ARHGAP28: variants seen among roughly 807,000 people sequenced by gnomAD.
ARHGAP28 encodes Rho GTPase activating protein 28.
A neutral mutation model predicts 90.7 loss-of-function variants in ARHGAP28; 56 were observed. The observed-to-expected ratio is 0.62, with a 90% CI of 0.50 to 0.77. ARHGAP28 has a LOEUF of 0.77. Ranked by LOEUF, ARHGAP28 falls within the 30% of genes least tolerant of loss-of-function variation. The probability of loss-of-function intolerance (pLI) is 0.00; values close to 1 mark genes in which losing one functional copy is unlikely to be tolerated. For missense variants in ARHGAP28, 869 were observed against 900.9 expected, an observed-to-expected ratio of 0.96 and a Z score of 0.45; for synonymous variants, 308 against 323.3, an observed-to-expected ratio of 0.95 and a Z score of 0.51.
chr18:6,782,634 G>T (rs1292639221), intron 1 of ARHGAP28, among the ~76,000 whole-genome samples: 2 of 75,276 alleles, frequency 2.7e-5, no homozygotes, highest in African/African-American at 4.5e-5. Context: ...TTTTTTAGTA[G>T]AGACGGGGTT....
In ARHGAP28 at chr18:6,873,550, A is replaced by G. The variant is rs1600272052; in HGVS notation, c.1096A>G (p.Lys366Glu). Residue 366 changes from lysine (K) to glutamate (E), a missense_variant, in exon 8 of 18, where the codon AAA (lysine) becomes GAA (glutamate). Transcript: ENST00000383472. ...CTTTGGAATTCAACTGAAAAGGAAC[A>G]AAACAGAGAAAGTAAAAGGACGAGG... Reference protein sequence around the residue: ...DAFGIQLKRNKTEKVKGRDNG... With the variant: ...DAFGIQLKRNETEKVKGRDNG... The G allele has an allele frequency of 6.2e-7, 1 of 1,613,662 alleles. No homozygotes were observed. The highest frequency in any genetic ancestry group is 8.5e-7 in the Non-Finnish European group (1 of 1,179,934).
At chr18:6,845,271 G>A (rs1367722) in intron 3 of ARHGAP28, among the ~76,000 whole-genome samples, 110,772 of 151,896 alleles carry the variant, frequency 0.73, 40,705 homozygotes, top group East Asian at 0.84. Context: ...TAGAGATGAG[G>A]TCTCATTATG....
intron 16 of ARHGAP28, chr18:6,898,713 T>G: frequency 7.2e-7 from 1 of 1,394,738 alleles, no homozygotes; most frequent in Non-Finnish European, 9.3e-7. Context: ...AAAAATGTAT[T>G]AGAACTAATG....
chr18:6,782,794 G>A (rs977418255), intron 1 of ARHGAP28, among the ~76,000 whole-genome samples: 10 of 151,372 alleles, frequency 6.6e-5, no homozygotes, highest in Non-Finnish European at 1.2e-4. Context: ...TTATATAATT[G>A]TATATAATGT....
rs1055590987 is a variant in ARHGAP28 at position 6,898,319 on chromosome 18, T to C, written c.2030+1693T>C. ...TTTTTCTCCTTTTGGTATTAGATTATATGATGTGTTCACTTTGTGAAAATT... is the reference window on the plus strand; with the variant it reads ...TTTTTCTCCTTTTGGTATTAGATTACATGATGTGTTCACTTTGTGAAAATT... On this transcript the variant is annotated intron_variant, in intron 16 of 17. Coordinates refer to ENST00000383472, the MANE Select transcript of ARHGAP28 (RefSeq NM_001366230.1). The C allele has an allele frequency of 2.2e-5, 12 of 545,138 alleles. 1 individual carries two copies. The Middle Eastern group carries it at 2.0e-3, about 90-fold the overall frequency. 33.8% of individuals were successfully genotyped at this position (545,138 alleles called of 1,614,324 possible).
intron 16 of ARHGAP28, among the ~76,000 whole-genome samples, chr18:6,901,868 GT>G (rs1313718479): frequency 6.6e-6 from 1 of 152,254 alleles, no homozygotes; most frequent in East Asian, 1.9e-4. Context: ...TGTCAGCAGG[GT>G]TGATTCCTTC....
chr18:6,825,116 T>G (rs2056653044), intron 2 of ARHGAP28, among the ~76,000 whole-genome samples, 152 bp downstream of exon 2: 1 of 152,134 alleles, frequency 6.6e-6, no homozygotes, highest in East Asian at 1.9e-4. Context: ...ACTGATTGAT[T>G]TATATCTACT....
At chr18:6,835,776 A>G (rs2056748603) in intron 2 of ARHGAP28, among the ~76,000 whole-genome samples, 1 of 152,210 alleles carries the variant, frequency 6.6e-6, no homozygotes, top group African/African-American at 2.4e-5. Flanking sequence ...TAACATTCAG[A>G]ATAAGGAGAA....
intron 11 of ARHGAP28, among the ~76,000 whole-genome samples, chr18:6,886,627 A>G (rs186853362): frequency 6.6e-6 from 1 of 152,348 alleles, no homozygotes; most frequent in East Asian, 1.9e-4. Flanking sequence ...TTTAATCCTC[A>G]TAACAGCCTG....
At chr18:6,897,340 T>G (rs778212769) in intron 16 of ARHGAP28, 1 of 152,256 alleles carries the variant, frequency 6.6e-6, no homozygotes, top group Non-Finnish European at 1.5e-5. Context: ...ATAGACATTA[T>G]GTAGTTAAGT....
rs183253904 is a variant in ARHGAP28, at chr18:6,755,911, G to A, written c.122+25968G>A. Among the ~76,000 whole-genome samples, 258 of 152,254 alleles carry A rather than the reference G, an allele frequency of 1.7e-3. 1 individual carries two copies. Among genetic ancestry groups the A allele is most frequent in the African/African-American group, 5.9e-3 (246 of 41,548 alleles). ...TATATAGAATCACAAAAGAATCAGG[G>A]CATTTTGGTTATAAGTCACTGTTAT... On this transcript the variant is annotated intron_variant, in intron 1 of 17. Coordinates refer to ENST00000383472, the MANE Select transcript of ARHGAP28 (RefSeq NM_001366230.1).
At chr18:6,824,398 G>A (rs377385900) in intron 1 of ARHGAP28, among the ~76,000 whole-genome samples, 7 of 152,056 alleles carry the variant, frequency 4.6e-5, no homozygotes, top group African/African-American at 1.4e-4. Context: ...TTAGCTGGGC[G>A]TGGTGGCGGG....
chr18:6,760,955 TG>T (rs2056154635), intron 1 of ARHGAP28, among the ~76,000 whole-genome samples: 1 of 152,180 alleles, frequency 6.6e-6, no homozygotes, highest in African/African-American at 2.4e-5. Context: ...CCTTAGCATA[TG>T]GGAAGATGAG....
At chr18:6,770,355 A>T (rs2056232548) in intron 1 of ARHGAP28, among the ~76,000 whole-genome samples, 1 of 152,248 alleles carries the variant, frequency 6.6e-6, no homozygotes, top group African/African-American at 2.4e-5. Context: ...TGCTGTCTTG[A>T]TTAAATCTGT....
intron 5 of ARHGAP28, 48 bp from the exon 6 acceptor site, chr18:6,868,102 C>A (rs1316841133): frequency 6.9e-7 from 1 of 1,454,528 alleles, no homozygotes; most frequent in South Asian, 1.1e-5. Flanking sequence ...GTGAGGTGGA[C>A]TGTATTTATG....
chr18:6,841,200 T>TC (rs1567966804), intron 3 of ARHGAP28, among the ~76,000 whole-genome samples: 19 of 62,086 alleles, frequency 3.1e-4, no homozygotes, highest in East Asian at 2.4e-3. Flanking sequence ...TCTCTCTCTC[T>TC]CTCCTCTCCT....
At chr18:6,815,819 C>T (rs755000751) in intron 1 of ARHGAP28, among the ~76,000 whole-genome samples, 42 of 151,954 alleles carry the variant, frequency 2.8e-4, no homozygotes, top group Admixed American at 1.4e-3. Flanking sequence ...TTCATTCTTC[C>T]ATTGCCACCG....
chr18:6,830,066 G>A (rs906425294), intron 2 of ARHGAP28, among the ~76,000 whole-genome samples: 1 of 152,030 alleles, frequency 6.6e-6, no homozygotes, highest in African/African-American at 2.4e-5. Context: ...ATTTTTGTCT[G>A]TGTTTCTTCT....
chr18:6,876,766 A>G (rs1265387634), intron 10 of ARHGAP28, among the ~76,000 whole-genome samples: 1 of 152,208 alleles, frequency 6.6e-6, no homozygotes, highest in Non-Finnish European at 1.5e-5. Flanking sequence ...ACCCAGTTCC[A>G]CTTACAGTAA....
Sources: allele counts gnomAD v4.1 joint callset (sites outside exome capture counted in the v4.1 genomes callset), GRCh38; gene constraint gnomAD v4.1.1; transcripts MANE v1.5; gene names NCBI Gene and HGNC (gene_info 2026-07-23, HGNC 2026-07-21).